BNC2: variants seen among roughly 807,000 people sequenced by gnomAD.
The protein encoded by BNC2 is basonuclin zinc finger protein 2, also known as zinc finger protein basonuclin-2.
BNC2 carries 20 observed loss-of-function variants against 76.3 expected under a neutral mutation model. The observed-to-expected ratio is 0.26, with a 90% confidence interval of 0.18 to 0.38. The LOEUF is 0.38. Ranked by LOEUF, BNC2 falls within the 10% of genes least tolerant of loss-of-function variation. BNC2 has a pLI of 1.00. For synonymous variants in BNC2, 582 were observed against 514.8 expected, an observed-to-expected ratio of 1.13 and a Z score of -1.77; for missense variants, 1,382 against 1,399.8, an observed-to-expected ratio of 0.99 and a Z score of 0.20.
chr9:16,840,515 T>C (rs1431836878), intron 1 of BNC2, among the ~76,000 whole-genome samples: 1 of 152,212 alleles, frequency 6.6e-6, no homozygotes, highest in Non-Finnish European at 1.5e-5. Context: ...CACAAGTGTT[T>C]TTCCTTTAAT....
intron 5 of BNC2, among the ~76,000 whole-genome samples, chr9:16,455,038 A>G (rs1821417407): frequency 6.6e-6 from 1 of 152,192 alleles, no homozygotes; most frequent in African/African-American, 2.4e-5. Context: ...AAAGAAATGC[A>G]GGGACTAGAG....
Position 16,814,842 on chromosome 9 carries a change from T to C in BNC2, c.3+55804A>G, listed in dbSNP as rs989615922. Among the ~76,000 whole-genome samples the C allele has an allele frequency of 1.2e-4, 19 of 152,162 alleles. 1 individual carries two copies. Among genetic ancestry groups the C allele is most frequent in the African/African-American group, 2.4e-4 (10 of 41,438 alleles). On this transcript the variant is annotated intron_variant, in intron 1 of 6. Coordinates refer to ENST00000380672, the MANE Select transcript of BNC2 (RefSeq NM_017637.6). ...TACCAAGATAAATCACATCTGTCCA[T>C]TGGGATTGACAAGTGCTTTTTTCTT...
intron 5 of BNC2, among the ~76,000 whole-genome samples, chr9:16,539,419 T>C (rs1015999921): frequency 3.3e-5 from 5 of 150,570 alleles, no homozygotes; most frequent in African/African-American, 1.2e-4. Flanking sequence ...TCACAGCTGC[T>C]CGGGAGGCTG....
At chr9:16,821,943 G>A (rs1255711497) in intron 1 of BNC2, among the ~76,000 whole-genome samples, 3 of 151,630 alleles carry the variant, frequency 2.0e-5, no homozygotes, top group African/African-American at 4.8e-5. Context: ...AATACAAAAA[G>A]TTAGCCAGGT....
chr9:16,464,963 A>G (rs933711511), intron 5 of BNC2, among the ~76,000 whole-genome samples: 3 of 152,182 alleles, frequency 2.0e-5, no homozygotes, highest in Non-Finnish European at 4.4e-5. Context: ...TCCAATGCTA[A>G]CTTAGCCCTC....
chr9:16,513,637 G>A (rs1362216802), intron 5 of BNC2, among the ~76,000 whole-genome samples: 1 of 152,104 alleles, frequency 6.6e-6, no homozygotes, highest in Non-Finnish European at 1.5e-5. Flanking sequence ...AATTTCTCTA[G>A]TACAACGAAA....
intron 3 of BNC2, 34 bp from the exon 4 acceptor site, chr9:16,583,119 C>A (rs377336102): frequency 2.6e-6 from 4 of 1,536,072 alleles, no homozygotes; most frequent in Non-Finnish European, 3.6e-6. Flanking sequence ...AGGTCAGCAT[C>A]TGTTCAAAGA....
chr9:16,760,306 T>C (rs1312779074), intron 1 of BNC2, among the ~76,000 whole-genome samples: 1 of 152,164 alleles, frequency 6.6e-6, no homozygotes, highest in East Asian at 1.9e-4. Context: ...GGAATATAAA[T>C]AGCTAAGTCA....
At chr9:16,586,005 G>C (rs866608519) in intron 3 of BNC2, among the ~76,000 whole-genome samples, 34 of 152,230 alleles carry the variant, frequency 2.2e-4, no homozygotes, top group African/African-American at 7.9e-4. Flanking sequence ...TTCAGGTCTG[G>C]GTAAAGCAGG....
At chr9:16,536,896 GCTC>G (rs1818146492) in intron 5 of BNC2, among the ~76,000 whole-genome samples, 1 of 152,016 alleles carries the variant, frequency 6.6e-6, no homozygotes, top group African/African-American at 2.4e-5. Context: ...TGAACTGTAT[GCTC>G]CTCAAGGTTA....
intron 1 of BNC2, among the ~76,000 whole-genome samples, chr9:16,863,945 TGGGTAAAGAG>T (rs1346734980): frequency 2.0e-5 from 3 of 152,180 alleles, no homozygotes; most frequent in Non-Finnish European, 4.4e-5. Flanking sequence ...GACAAACTTT[TGGGTAAAGAG>T]GGACAAATGT....
In BNC2 at chr9:16,773,159, G is replaced by A. The variant is rs1484914383; in HGVS notation, c.4-34674C>T. ...AAGGGACACTCTTGCCCAGACAGACGGATGGATCAGACACTGCAGTTCATA... is the reference window on the plus strand; with the variant it reads ...AAGGGACACTCTTGCCCAGACAGACAGATGGATCAGACACTGCAGTTCATA... On this transcript the variant is annotated intron_variant, in intron 1 of 6. Coordinates refer to ENST00000380672, the MANE Select transcript of BNC2 (RefSeq NM_017637.6). Among the ~76,000 whole-genome samples, 6 of 152,092 alleles carry A rather than the reference G, an allele frequency of 3.9e-5. 1 individual carries two copies. In the South Asian group the frequency reaches 6.2e-4, roughly 16 times the overall value.
At chr9:16,602,727 A>G (rs1042412006) in intron 3 of BNC2, among the ~76,000 whole-genome samples, 6 of 152,076 alleles carry the variant, frequency 3.9e-5, no homozygotes, top group African/African-American at 1.4e-4. Context: ...CAACCTAACA[A>G]CCCATTAGGT....
chr9:16,764,960 G>A (rs1387144991), intron 1 of BNC2, among the ~76,000 whole-genome samples: 2 of 151,750 alleles, frequency 1.3e-5, no homozygotes, highest in Non-Finnish European at 2.9e-5. Context: ...AGGAGAGAGA[G>A]AACATCTTCT....
At chr9:16,850,006 C>T (rs554025048) in intron 1 of BNC2, among the ~76,000 whole-genome samples, 3 of 152,196 alleles carry the variant, frequency 2.0e-5, no homozygotes, top group Admixed American at 6.5e-5. Flanking sequence ...GTTTATGCCC[C>T]CCACACACAG....
rs4007689 is a variant in BNC2 at position 16,725,217 on chromosome 9, T to TCACACACACACA, written c.330+2568_330+2579dup. On this transcript the variant is annotated intron_variant, in intron 3 of 6. Coordinates refer to ENST00000380672, the MANE Select transcript of BNC2 (RefSeq NM_017637.6). ...TATAATTTCAATAAGTCTCTCTCTC[T>TCACACACACACA]CACACACACACACACACACACACAC... 6.1e-3 allele frequency among the ~76,000 whole-genome samples: 906 copies of TCACACACACACA among 148,256 alleles called. 1 individual carries two copies. Among genetic ancestry groups the TCACACACACACA allele is most frequent in the South Asian group, 0.011 (50 of 4,694 alleles).
At chr9:16,754,607 T>G (rs574211799) in intron 1 of BNC2, among the ~76,000 whole-genome samples, 51 of 152,172 alleles carry the variant, frequency 3.4e-4, no homozygotes, top group African/African-American at 1.1e-3. Flanking sequence ...GCTCAGGCTG[T>G]AGTGCAGTGG....
chr9:16,488,263 A>C (rs1822206819), intron 5 of BNC2, among the ~76,000 whole-genome samples: 2 of 152,156 alleles, frequency 1.3e-5, no homozygotes, highest in Non-Finnish European at 2.9e-5. Flanking sequence ...ATTCCAAATA[A>C]CATAAAAAAT....
At chr9:16,531,624 T>C (rs1817978095) in intron 5 of BNC2, among the ~76,000 whole-genome samples, 1 of 152,002 alleles carries the variant, frequency 6.6e-6, no homozygotes, top group Non-Finnish European at 1.5e-5. Context: ...TTATAAAACA[T>C]ATGGTGCAAA....
Sources: allele counts gnomAD v4.1 joint callset (sites outside exome capture counted in the v4.1 genomes callset), GRCh38; gene constraint gnomAD v4.1.1; transcripts MANE v1.5; gene names NCBI Gene and HGNC (gene_info 2026-07-23, HGNC 2026-07-21).